PPME1: variants seen among roughly 807,000 people sequenced by gnomAD.
PPME1 encodes protein phosphatase methylesterase 1.
In PPME1, 17 loss-of-function variants were observed where a neutral mutation model predicts 56.9. The observed-to-expected ratio is 0.30, with a 90% confidence interval of 0.20 to 0.45. The LOEUF is 0.45. Ranked by LOEUF, PPME1 falls within the 20% of genes least tolerant of loss-of-function variation. The probability of loss-of-function intolerance (pLI) is 1.00; values close to 1 mark genes in which losing one functional copy is unlikely to be tolerated. For missense variants in PPME1, 357 were observed against 483.2 expected (o/e 0.74, Z 2.45); for synonymous variants, 122 against 156.2 (o/e 0.78, Z 1.63).
intron 11 of PPME1, chr11:74,249,612 A>G (rs1406999092): frequency 6.6e-6 from 1 of 152,236 alleles, no homozygotes; most frequent in Non-Finnish European, 1.5e-5. Flanking sequence ...TTCATCATTC[A>G]TTCGCTAAAG....
At chr11:74,211,191 A>G (rs1443437751) in intron 3 of PPME1, among the ~76,000 whole-genome samples, 1 of 152,216 alleles carries the variant, frequency 6.6e-6, no homozygotes, top group African/African-American at 2.4e-5. Flanking sequence ...GATTTAAAGG[A>G]AAATCTGAAT....
At chr11:74,177,828 G>A (rs1189821097) in intron 1 of PPME1, among the ~76,000 whole-genome samples, 1 of 152,094 alleles carries the variant, frequency 6.6e-6, no homozygotes, top group Admixed American at 6.5e-5. Context: ...AATCCCTTTT[G>A]AAGGAAATAT....
chr11:74,251,951 T>C, intron 13 of PPME1: 1 of 709,356 alleles, frequency 1.4e-6, no homozygotes, highest in South Asian at 1.4e-5. Context: ...TTGTGCCTAG[T>C]CTCACTCCCC....
At position 74,246,212 on chromosome 11, in the gene PPME1, GTATATGTGCA is replaced by G. The variant is rs1591068780; in HGVS notation, c.964+13_964+22del. ...AAATTGCTGCTCTTGGCTGGTAAGT[GTATATGTGCA>G]TATATTAGTCAGCTCAGGCTGCCAT... On this transcript the variant is annotated splice_region_variant and intron_variant, in intron 10 of 13. Transcript: ENST00000328257. 1.9e-6 allele frequency: 3 copies of G among 1,549,346 alleles called. No individual in the cohort carries two copies. In the East Asian group the frequency reaches 7.3e-5, roughly 38 times the overall value.
chr11:74,179,629 T>G (rs1254160094), intron 1 of PPME1, among the ~76,000 whole-genome samples: 1 of 152,252 alleles, frequency 6.6e-6, no homozygotes, highest in Non-Finnish European at 1.5e-5. Flanking sequence ...AAAACCATGC[T>G]TGGTACGTAA....
rs76599816 is a variant in PPME1, at chr11:74,201,277, A to G, written c.102-2451A>G. On this transcript the variant is annotated intron_variant, in intron 1 of 13. Transcript: ENST00000328257. ...GGCGTGAGCCACCGCGCCCGGCTAC[A>G]GGCCTTTTTTGTTTTTTGTTTTTTT... Among the ~76,000 whole-genome samples, 533 of 152,160 alleles carry G rather than the reference A, an allele frequency of 3.5e-3. 5 individuals carry two copies. The highest frequency in any genetic ancestry group is 0.012 in the African/African-American group (505 of 41,498).
At chr11:74,226,137 G>A (rs1202746412) in intron 5 of PPME1, among the ~76,000 whole-genome samples, 1 of 152,098 alleles carries the variant, frequency 6.6e-6, no homozygotes, top group Non-Finnish European at 1.5e-5. Context: ...TATTATTATG[G>A]TAGGTGTTAT....
At position 74,253,880 on chromosome 11, in the gene PPME1, A is replaced by G. The variant is rs1859768230; in HGVS notation, c.*370A>G. On this transcript the variant is annotated 3_prime_UTR_variant, in exon 14 of 14. Transcript: ENST00000328257. ...TTCAAATGTCTTCCCAGGCTCAGGG[A>G]CCTCCATTCCTTGAGATTGTCTTGG... 2.8e-6 allele frequency: 1 copy of G among 357,036 alleles called. No individual in the cohort carries two copies. Among genetic ancestry groups the G allele is most frequent in the South Asian group, 5.6e-5 (1 of 17,792 alleles). The allele number at this position is 357,036 out of a possible 1,614,324, so 22.1% of individuals were successfully genotyped here.
chr11:74,201,650 T>G (rs139972854), intron 1 of PPME1, among the ~76,000 whole-genome samples: 1 of 152,206 alleles, frequency 6.6e-6, no homozygotes, highest in Non-Finnish European at 1.5e-5. Context: ...AATCTGTTTT[T>G]TCATCTGTTA....
chr11:74,249,120 A>T (rs577264362), intron 11 of PPME1: 1 of 152,318 alleles, frequency 6.6e-6, no homozygotes, highest in East Asian at 1.9e-4. Flanking sequence ...CTCAATATGG[A>T]TTATATCAAG....
At position 74,220,651 on chromosome 11, in the gene PPME1, G is replaced by C. The variant is rs147793794; in HGVS notation, c.289-1661G>C. Among the ~76,000 whole-genome samples the C allele has an allele frequency of 3.3e-4, 50 of 152,270 alleles. 1 individual carries two copies. In the East Asian group the frequency reaches 9.5e-3, roughly 29 times the overall value. ...GTAAAGAGTTGTGAGGAGAAAGTTA[G>C]GTAATTCATCTGAAGCACTTAGATT... is the stretch of plus-strand genomic sequence containing the variant. On this transcript the variant is annotated intron_variant, in intron 3 of 13. Coordinates refer to ENST00000328257, the MANE Select transcript of PPME1 (RefSeq NM_016147.3).
chr11:74,181,396 A>G (rs534391754), intron 1 of PPME1, among the ~76,000 whole-genome samples: 5 of 152,280 alleles, frequency 3.3e-5, no homozygotes, highest in South Asian at 2.1e-4. Flanking sequence ...GCACTTTCAG[A>G]CTACTTTAGT....
chr11:74,196,614 T>C (rs1857988247), intron 1 of PPME1, among the ~76,000 whole-genome samples: 1 of 150,964 alleles, frequency 6.6e-6, no homozygotes, highest in Admixed American at 6.6e-5. Context: ...TCAGGGCGAG[T>C]CCACAGTGCA....
Position 74,230,114 on chromosome 11 carries a change from T to C in PPME1, c.399-131T>C. ...GTTAGAAGGTTTACATAGGTATGTT[T>C]GTAAGATGGCCCAATAGACTTTTAC... is the stretch of plus-strand genomic sequence containing the variant. On this transcript the variant is annotated intron_variant, in intron 5 of 13. Coordinates refer to ENST00000328257, the MANE Select transcript of PPME1 (RefSeq NM_016147.3). This position sits in a 1 kb window ranked among gnomAD's most constrained non-coding sequence, Gnocchi z 4.9. The C allele has an allele frequency of 2.1e-6, 2 of 965,600 alleles. No individual in the cohort carries two copies. The highest frequency in any genetic ancestry group is 2.5e-5 in the East Asian group (1 of 39,630). 59.8% of individuals were successfully genotyped at this position (965,600 alleles called of 1,614,324 possible).
At chr11:74,185,976 A>G (rs919022307) in intron 1 of PPME1, among the ~76,000 whole-genome samples, 4 of 152,164 alleles carry the variant, frequency 2.6e-5, no homozygotes, top group Non-Finnish European at 5.9e-5. Context: ...CACATCATAT[A>G]TTGGGCTGTA....
intron 1 of PPME1, among the ~76,000 whole-genome samples, chr11:74,193,735 G>A (rs529221172): frequency 3.3e-5 from 5 of 152,110 alleles, no homozygotes; most frequent in African/African-American, 7.2e-5. Flanking sequence ...ACTAGTTTAC[G>A]CTTCTCCTTA....
chr11:74,232,259 T>A (rs1276871852), intron 7 of PPME1, among the ~76,000 whole-genome samples: 1 of 152,270 alleles, frequency 6.6e-6, no homozygotes, highest in Non-Finnish European at 1.5e-5. Context: ...TCCTGCATCA[T>A]AAGGGAAGAA....
chr11:74,222,563 A>G, intron 4 of PPME1, 194 bp downstream of exon 4: 1 of 533,534 alleles, frequency 1.9e-6, no homozygotes, highest in South Asian at 2.1e-5. Flanking sequence ...ATCTCAGCTC[A>G]CTGCAACCTC....
chr11:74,251,064 AC>A, intron 12 of PPME1, 46 bp downstream of exon 12: 1 of 1,556,952 alleles, frequency 6.4e-7, no homozygotes, highest in Non-Finnish European at 8.7e-7. Context: ...TGTGAGAATA[AC>A]CCTGGATGTC....
Sources: allele counts gnomAD v4.1 joint callset (sites outside exome capture counted in the v4.1 genomes callset), GRCh38; gene constraint gnomAD v4.1.1; non-coding constraint Gnocchi (gnomAD v3.1); transcripts MANE v1.5; gene names NCBI Gene and HGNC (gene_info 2026-07-23, HGNC 2026-07-21).